Variants in CCDC102B observed in about 807,000 individuals in gnomAD.
CCDC102B encodes coiled-coil domain containing 102B.
A neutral mutation model predicts 57.4 loss-of-function variants in CCDC102B; 75 were observed. The observed-to-expected ratio is 1.31, with a 90% CI of 1.08 to 1.58. CCDC102B has a LOEUF of 1.58. CCDC102B is among the 40% of genes most tolerant of loss of function. The probability of loss-of-function intolerance (pLI) is 0.00; values close to 1 mark genes in which losing one functional copy is unlikely to be tolerated. For synonymous variants in CCDC102B, 206 were observed against 201.9 expected (o/e 1.02, Z -0.17); for missense variants, 636 against 582.6 (o/e 1.09, Z -0.94).
chr18:68,875,511 A>T (rs978688914), intron 5 of CCDC102B, among the ~76,000 whole-genome samples: 1 of 152,178 alleles, frequency 6.6e-6, no homozygotes, highest in Non-Finnish European at 1.5e-5. Flanking sequence ...GACTGAAATG[A>T]ATTTAATGCA....
Position 68,845,417 on chromosome 18 carries a change from A to G in CCDC102B, c.828-896A>G, listed in dbSNP as rs2037817086. 4.6e-5 allele frequency among the ~76,000 whole-genome samples: 7 copies of G among 151,930 alleles called. No individual in the cohort carries two copies. In the South Asian group the frequency reaches 1.4e-3, roughly 31 times the overall value. On this transcript the variant is annotated intron_variant, in intron 3 of 7. Transcript: ENST00000360242. ...GTCATATAACAATCAAAGTGTATTT[A>G]CCTGGAGCTCAAACATATAAGTTGT...
At chr18:69,051,185 A>G (rs2052695335) in intron 7 of CCDC102B, among the ~76,000 whole-genome samples, 2 of 152,168 alleles carry the variant, frequency 1.3e-5, no homozygotes, top group Admixed American at 6.5e-5. Context: ...TTCCTGGCCT[A>G]ATAAGGCAAT....
At chr18:68,797,845 A>T (rs2035687098), upstream of CCDC102B, among the ~76,000 whole-genome samples, 1 of 149,710 alleles carries the variant, frequency 6.7e-6, no homozygotes, top group South Asian at 2.1e-4. Context: ...ACACTTGTGG[A>T]TCAAGGCGTG....
At chr18:68,907,449 A>G (rs769180616) in intron 6 of CCDC102B, among the ~76,000 whole-genome samples, 2 of 152,070 alleles carry the variant, frequency 1.3e-5, no homozygotes, top group Non-Finnish European at 2.9e-5. Flanking sequence ...ATCTTTCCAT[A>G]TATTTGTGTC....
At chr18:68,789,622 T>C (rs879550345) in intron 2 of CCDC102B, among the ~76,000 whole-genome samples, 8,991 of 145,364 alleles carry the variant, frequency 0.062, 482 homozygotes, top group African/African-American at 0.16. Context: ...TTGATCGCAT[T>C]GGCTCCTGAG....
chr18:69,032,050 G>C (rs958848018), intron 7 of CCDC102B, among the ~76,000 whole-genome samples: 29 of 151,938 alleles, frequency 1.9e-4, no homozygotes, highest in Admixed American at 3.3e-4. Context: ...AATATTTGGA[G>C]ATTAGGCCAG....
chr18:68,849,538 GT>G (rs2038029569), intron 4 of CCDC102B, among the ~76,000 whole-genome samples: 1 of 151,990 alleles, frequency 6.6e-6, no homozygotes, highest in South Asian at 2.1e-4. Flanking sequence ...TACCACCACT[GT>G]TGACCTATTA....
At chr18:68,809,755 C>T (rs145853809) in intron 1 of CCDC102B, among the ~76,000 whole-genome samples, 313 of 152,062 alleles carry the variant, frequency 2.1e-3, no homozygotes, top group African/African-American at 7.2e-3. Flanking sequence ...AAATATTTGT[C>T]GAATGAATAA....
intron 4 of CCDC102B, among the ~76,000 whole-genome samples, chr18:68,865,818 G>A (rs1332093037): frequency 6.6e-6 from 1 of 152,102 alleles, no homozygotes; most frequent in Non-Finnish European, 1.5e-5. Context: ...ATCAGAATAT[G>A]ACCTACCAGA....
intron 7 of CCDC102B, among the ~76,000 whole-genome samples, chr18:69,028,208 A>G (rs1239902235): frequency 6.6e-6 from 1 of 152,204 alleles, no homozygotes; most frequent in Non-Finnish European, 1.5e-5. Flanking sequence ...CTGAGGAAGA[A>G]ACTGAGAATC....
At chr18:68,752,662 A>C (rs528684185) in intron 2 of CCDC102B, among the ~76,000 whole-genome samples, 26 of 152,298 alleles carry the variant, frequency 1.7e-4, no homozygotes, top group African/African-American at 6.3e-4. Context: ...ACTTAATGTT[A>C]TGATTATAAG....
intron 2 of CCDC102B, among the ~76,000 whole-genome samples, chr18:68,741,106 A>G (rs1360436420): frequency 6.6e-6 from 1 of 152,206 alleles, no homozygotes; most frequent in African/African-American, 2.4e-5. Context: ...TGCACTGGAC[A>G]AGTCCACATG....
intron 5 of CCDC102B, among the ~76,000 whole-genome samples, chr18:68,880,359 T>C (rs2039646358): frequency 6.6e-6 from 1 of 152,146 alleles, no homozygotes; most frequent in African/African-American, 2.4e-5. Flanking sequence ...GCAGCCCCGG[T>C]TCCTGCTCGT....
At chr18:68,870,069 A>G (rs1176278060) in intron 4 of CCDC102B, among the ~76,000 whole-genome samples, 1 of 152,116 alleles carries the variant, frequency 6.6e-6, no homozygotes, top group African/African-American at 2.4e-5. Context: ...TCTGGAAACC[A>G]TAATTCTCAG....
At chr18:68,717,054 G>A (rs1448941099) in intron 2 of CCDC102B, among the ~76,000 whole-genome samples, 1 of 150,316 alleles carries the variant, frequency 6.7e-6, no homozygotes, top group Non-Finnish European at 1.5e-5. Flanking sequence ...TCCAGCCTGG[G>A]CGACAGAGCA....
intron 5 of CCDC102B, among the ~76,000 whole-genome samples, chr18:68,889,275 G>A (rs183880853): frequency 4.5e-4 from 68 of 152,254 alleles, no homozygotes; most frequent in Admixed American, 8.5e-4. Flanking sequence ...GGCCCAAGGT[G>A]CTAGCTGGCT....
At chr18:68,728,422 T>G (rs1440594374) in intron 2 of CCDC102B, among the ~76,000 whole-genome samples, 1 of 152,214 alleles carries the variant, frequency 6.6e-6, no homozygotes, top group Non-Finnish European at 1.5e-5. Flanking sequence ...ACCCAAAGAT[T>G]GAACAACAGA....
intron 2 of CCDC102B, among the ~76,000 whole-genome samples, chr18:68,733,238 A>T (rs890048656): frequency 2.0e-5 from 3 of 152,052 alleles, no homozygotes; most frequent in Non-Finnish European, 4.4e-5. Context: ...GGAGAATAAG[A>T]CTGCTGATTC....
chr18:68,752,918 A>G (rs2033914508), intron 2 of CCDC102B, among the ~76,000 whole-genome samples: 1 of 152,142 alleles, frequency 6.6e-6, no homozygotes, highest in Non-Finnish European at 1.5e-5. Context: ...TCAATTATAG[A>G]AAAATCTCAG....
Sources: allele counts gnomAD v4.1 joint callset (sites outside exome capture counted in the v4.1 genomes callset), GRCh38; gene constraint gnomAD v4.1.1; transcripts MANE v1.5; gene names NCBI Gene and HGNC (gene_info 2026-07-23, HGNC 2026-07-21).